EXOC6B: variants seen among roughly 807,000 people sequenced by gnomAD.
EXOC6B encodes the protein SEC15 homolog B.
Under a neutral mutation model 113.5 loss-of-function variants are expected in EXOC6B, and 54 were observed. That is an observed-to-expected ratio of 0.48 (90% CI 0.38 to 0.60). EXOC6B has a LOEUF of 0.60. EXOC6B is among the 20% of genes least tolerant of loss of function. The pLI is 0.00. For missense variants in EXOC6B, 797 were observed against 977.5 expected, an observed-to-expected ratio of 0.82 and a Z score of 2.46; for synonymous variants, 357 against 339.0, an observed-to-expected ratio of 1.05 and a Z score of -0.58.
intron 1 of EXOC6B, among the ~76,000 whole-genome samples, chr2:72,813,010 G>C (rs935154131): frequency 3.9e-5 from 6 of 152,138 alleles, no homozygotes; most frequent in African/African-American, 1.4e-4. Flanking sequence ...CAATAGACTA[G>C]TATCTAGAAT....
At chr2:72,321,438 G>A (rs537128776) in intron 20 of EXOC6B, among the ~76,000 whole-genome samples, 2 of 151,728 alleles carry the variant, frequency 1.3e-5, no homozygotes, top group South Asian at 4.2e-4. Context: ...GGGAGGCTGA[G>A]GCAGGAGAAT....
chr2:72,631,473 G>T (rs1470531441), intron 6 of EXOC6B, among the ~76,000 whole-genome samples: 67 of 3,588 alleles, frequency 0.019, no homozygotes, highest in African/African-American at 0.027. Flanking sequence ...GAGAGAGAGA[G>T]AGAGAGAGAG....
chr2:72,370,269 C>T (rs1690914876), intron 19 of EXOC6B, among the ~76,000 whole-genome samples: 1 of 152,162 alleles, frequency 6.6e-6, no homozygotes, highest in Admixed American at 6.5e-5. Flanking sequence ...AAATGCTCAT[C>T]ATCACTAGCC....
At chr2:72,197,429 C>A (rs1181014479) in intron 20 of EXOC6B, among the ~76,000 whole-genome samples, 1 of 152,044 alleles carries the variant, frequency 6.6e-6, no homozygotes, top group African/African-American at 2.4e-5. Flanking sequence ...AGTGAAGAGG[C>A]TGAAGAGGAA....
intron 1 of EXOC6B, among the ~76,000 whole-genome samples, chr2:72,765,013 G>A (rs929538581): frequency 3.3e-5 from 5 of 151,568 alleles, no homozygotes; most frequent in Non-Finnish European, 7.4e-5. Context: ...AGCTCTTTGG[G>A]AAGCCAAGGT....
At chr2:72,645,027 G>A (rs1470350935) in intron 6 of EXOC6B, among the ~76,000 whole-genome samples, 1 of 152,128 alleles carries the variant, frequency 6.6e-6, no homozygotes, top group African/African-American at 2.4e-5. Context: ...TCAGTGTGCT[G>A]TATTCAGGAG....
At chr2:72,641,486 G>C (rs66469454) in intron 6 of EXOC6B, among the ~76,000 whole-genome samples, 32,908 of 152,276 alleles carry the variant, frequency 0.22, 5,789 homozygotes, top group African/African-American at 0.49. Flanking sequence ...AGATCAACCT[G>C]CAAGGCAGCA....
chr2:72,786,494 T>C (rs1573795574), intron 1 of EXOC6B, among the ~76,000 whole-genome samples: 1 of 152,238 alleles, frequency 6.6e-6, no homozygotes, highest in East Asian at 1.9e-4. Context: ...ACTATGTTGA[T>C]GATTTTTATA....
intron 2 of EXOC6B, among the ~76,000 whole-genome samples, chr2:72,738,389 G>A (rs992569080): frequency 2.0e-5 from 3 of 152,094 alleles, no homozygotes; most frequent in Non-Finnish European, 4.4e-5. Flanking sequence ...TATCTCATAA[G>A]CATCTCTGCA....
At position 72,825,442 on chromosome 2, in the gene EXOC6B, G is replaced by A. The variant is rs59301172; in HGVS notation, c.113+356C>T. 3.3e-3 allele frequency among the ~76,000 whole-genome samples: 503 copies of A among 152,334 alleles called. 1 individual carries two copies. The highest frequency in any genetic ancestry group is 0.012 in the African/African-American group (479 of 41,578). On this transcript the variant is annotated intron_variant, in intron 1 of 21. Coordinates refer to ENST00000272427, the MANE Select transcript of EXOC6B (RefSeq NM_015189.3). The surrounding 1 kb of genome is among the most constrained non-coding windows in gnomAD (Gnocchi z 4.4). ...GGACTCCTGTCTAGGGCAGGACGTAGTTAGAGACGGAGGGAGAAGGGTGAT... is the reference window on the plus strand; with the variant it reads ...GGACTCCTGTCTAGGGCAGGACGTAATTAGAGACGGAGGGAGAAGGGTGAT...
chr2:72,358,266 T>G (rs1243614751), intron 19 of EXOC6B, among the ~76,000 whole-genome samples: 1 of 152,086 alleles, frequency 6.6e-6, no homozygotes, highest in Non-Finnish European at 1.5e-5. Flanking sequence ...ATCCACGTGC[T>G]CCCCCTTCTC....
At chr2:72,590,885 A>T (rs1705904555) in intron 6 of EXOC6B, among the ~76,000 whole-genome samples, 1 of 152,000 alleles carries the variant, frequency 6.6e-6, no homozygotes, top group East Asian at 1.9e-4. Context: ...ATAACAATGA[A>T]TTAAAAAGTT....
At chr2:72,739,343 TTTC>T (rs1446166554) in intron 2 of EXOC6B, among the ~76,000 whole-genome samples, 1 of 152,172 alleles carries the variant, frequency 6.6e-6, no homozygotes, top group Non-Finnish European at 1.5e-5. Context: ...CTCCTTTGTA[TTTC>T]TTCTTATGTA....
chr2:72,548,984 C>T (rs1037155875), intron 8 of EXOC6B, among the ~76,000 whole-genome samples: 5 of 151,834 alleles, frequency 3.3e-5, no homozygotes, highest in East Asian at 3.9e-4. Context: ...TGCACTCCAA[C>T]CTGGGCGACA....
intron 16 of EXOC6B, among the ~76,000 whole-genome samples, chr2:72,490,087 C>A (rs1699660954): frequency 6.6e-6 from 1 of 152,128 alleles, no homozygotes; most frequent in Non-Finnish European, 1.5e-5. Context: ...GTGGGCTTAT[C>A]ATAATTCTAT....
chr2:72,650,160 T>C (rs1674055866), intron 6 of EXOC6B, among the ~76,000 whole-genome samples: 1 of 152,170 alleles, frequency 6.6e-6, no homozygotes, highest in Non-Finnish European at 1.5e-5. Context: ...GGGATCTAGG[T>C]TGTGTGCTCC....
At chr2:72,701,657 C>T (rs1056523190) in intron 6 of EXOC6B, among the ~76,000 whole-genome samples, 1 of 152,124 alleles carries the variant, frequency 6.6e-6, no homozygotes, top group Non-Finnish European at 1.5e-5. Flanking sequence ...TTCTACTTCC[C>T]GGAGTCTATC....
chr2:72,179,071 G>C lies in EXOC6B; in HGVS notation c.*264C>G. 2.5e-6 allele frequency: 1 copy of C among 393,060 alleles called. No individual in the cohort carries two copies. 24.3% of individuals were successfully genotyped at this position (393,060 alleles called of 1,614,324 possible). ...AAAGGTGGTTCATCACTGTGGAATT[G>C]ATGATACCACCATCTCTAAGATAAC... On this transcript the variant is annotated 3_prime_UTR_variant, in exon 22 of 22. Coordinates refer to ENST00000272427, the MANE Select transcript of EXOC6B (RefSeq NM_015189.3).
chr2:72,741,337 C>T lies in EXOC6B; in HGVS notation c.246G>A (p.Leu82=), dbSNP rs748192388. ...TCTGGGCTTCTCCTCTCACTTTCAG[C>T]AGTTCAGTTATAGAGTCCACAAAGC... ...YQGFVDSITE[L]LKVRGEAQKL... The change falls in exon 2 of 22, where the codon CTG becomes CTA. Residue 82 remains leucine, a synonymous_variant. Transcript: ENST00000272427. The T allele has an allele frequency of 1.9e-6, 3 of 1,613,360 alleles. No individual in the cohort carries two copies. The highest frequency in any genetic ancestry group is 1.1e-5 in the South Asian group (1 of 90,964).
Sources: allele counts gnomAD v4.1 joint callset (sites outside exome capture counted in the v4.1 genomes callset), GRCh38; gene constraint gnomAD v4.1.1; non-coding constraint Gnocchi (gnomAD v3.1); transcripts MANE v1.5; gene names NCBI Gene and HGNC (gene_info 2026-07-23, HGNC 2026-07-21).